Variants in RPH3A observed in about 807,000 individuals in gnomAD.
The protein encoded by RPH3A is rabphilin 3A, also known as rabphilin-3A.
A neutral mutation model predicts 102.2 loss-of-function variants in RPH3A; 48 were observed. The observed-to-expected ratio is 0.47, with a 90% CI of 0.37 to 0.60. The LOEUF is 0.60. Ranked by LOEUF, RPH3A falls within the 20% of genes least tolerant of loss-of-function variation. The pLI is 0.00. For synonymous variants in RPH3A, 310 were observed against 324.3 expected (o/e 0.96, Z 0.47); for missense variants, 781 against 910.1 (o/e 0.86, Z 1.83).
intron 1 of RPH3A, among the ~76,000 whole-genome samples, chr12:112,621,697 G>A (rs2039727701): frequency 6.6e-6 from 1 of 152,046 alleles, no homozygotes; most frequent in Admixed American, 6.5e-5. Flanking sequence ...GAACTGGGTG[G>A]AGCCCACCAC....
chr12:112,892,177 A>G (rs1396884010), intron 19 of RPH3A, among the ~76,000 whole-genome samples: 2 of 152,184 alleles, frequency 1.3e-5, no homozygotes, highest in African/African-American at 4.8e-5. Context: ...AGTCTCCAGT[A>G]TGCTCTAGCT....
At chr12:112,851,976 G>A (rs924080054) in intron 5 of RPH3A, among the ~76,000 whole-genome samples, 1 of 152,172 alleles carries the variant, frequency 6.6e-6, no homozygotes, top group African/African-American at 2.4e-5. Flanking sequence ...GTGGCTTAGA[G>A]CAAAACAGTG....
intron 5 of RPH3A, among the ~76,000 whole-genome samples, chr12:112,857,614 T>C (rs572622136): frequency 6.6e-6 from 1 of 152,188 alleles, no homozygotes; most frequent in Non-Finnish European, 1.5e-5. Context: ...TTCAGAAGGA[T>C]TGAAGCCCTG....
chr12:112,747,900 C>G (rs2040759781), intron 1 of RPH3A, among the ~76,000 whole-genome samples: 1 of 152,200 alleles, frequency 6.6e-6, no homozygotes, highest in African/African-American at 2.4e-5. Context: ...CTTCCATCCT[C>G]AACGCCTGGC....
intron 2 of RPH3A, among the ~76,000 whole-genome samples, chr12:112,813,971 G>A (rs2041627224): frequency 6.7e-6 from 1 of 150,224 alleles, no homozygotes; most frequent in South Asian, 2.1e-4. Flanking sequence ...TGTGTGTATA[G>A]TGGAGTTGAG....
intron 1 of RPH3A, among the ~76,000 whole-genome samples, chr12:112,745,164 C>T (rs1187462633): frequency 6.6e-6 from 1 of 152,126 alleles, no homozygotes; most frequent in African/African-American, 2.4e-5. Flanking sequence ...TTTCCTGATG[C>T]TTCTGTGTGT....
chr12:112,702,746 G>C (rs2040403779), intron 1 of RPH3A, among the ~76,000 whole-genome samples: 1 of 152,212 alleles, frequency 6.6e-6, no homozygotes. Context: ...ATGTTCTGCT[G>C]GTCAAGTGAG....
Position 112,890,995 on chromosome 12 carries a change from C to A in RPH3A, c.1767C>A (p.Phe589Leu), listed in dbSNP as rs771515781. The A allele has an allele frequency of 6.2e-6, 10 of 1,614,084 alleles. No individual in the cohort carries two copies. The highest frequency in any genetic ancestry group is 8.5e-6 in the Non-Finnish European group (10 of 1,180,000). Residue 589 changes from phenylalanine (F) to leucine (L), a missense_variant, in exon 19 of 22, where the codon TTC becomes TTA. Physicochemically the swap from Phe to Leu is conservative, Grantham distance 22. Transcript: ENST00000389385. The stretch of plus-strand genomic sequence containing the variant: ...ACGCTAATGGCTACTCAGACCCATT[C>A]GTCAAGCTGTAAGTCAATGCCTTGG... ...AMDANGYSDP[F>L]VKLWLKPDMG...
At chr12:112,798,208 A>G (rs1196263712) in intron 2 of RPH3A, among the ~76,000 whole-genome samples, 2 of 152,248 alleles carry the variant, frequency 1.3e-5, no homozygotes, top group East Asian at 1.9e-4. Context: ...AGTGAGCAAG[A>G]TAACATGCCT....
intron 1 of RPH3A, among the ~76,000 whole-genome samples, chr12:112,762,503 T>G (rs1217038356): frequency 6.6e-6 from 1 of 152,190 alleles, no homozygotes; most frequent in Non-Finnish European, 1.5e-5. Flanking sequence ...TTTCTCTGCC[T>G]TCCCCCAATC....
intron 1 of RPH3A, among the ~76,000 whole-genome samples, chr12:112,648,313 G>A (rs1051053550): frequency 1.3e-5 from 2 of 151,850 alleles, no homozygotes; most frequent in African/African-American, 4.8e-5. Flanking sequence ...TGAGTGGAAT[G>A]TACTTATTTC....
intron 1 of RPH3A, among the ~76,000 whole-genome samples, chr12:112,591,053 A>G (rs2039473892): frequency 6.6e-6 from 1 of 152,090 alleles, no homozygotes; most frequent in Non-Finnish European, 1.5e-5. Context: ...CCTGGCCTCA[A>G]GGGATCCTCC....
chr12:112,596,895 T>G (rs1266612011), intron 1 of RPH3A, among the ~76,000 whole-genome samples: 1 of 152,234 alleles, frequency 6.6e-6, no homozygotes, highest in African/African-American at 2.4e-5. Flanking sequence ...CTTTTTGTAA[T>G]GTTTGTTTTT....
intron 5 of RPH3A, among the ~76,000 whole-genome samples, chr12:112,855,390 A>G (rs1223149711): frequency 6.6e-6 from 1 of 152,222 alleles, no homozygotes; most frequent in Non-Finnish European, 1.5e-5. Flanking sequence ...TTGTCATGAC[A>G]CAGCACCTTG....
intron 1 of RPH3A, among the ~76,000 whole-genome samples, chr12:112,687,549 T>G (rs138147389): frequency 6.6e-6 from 1 of 152,192 alleles, no homozygotes; most frequent in African/African-American, 2.4e-5. Context: ...TTGGAATGAC[T>G]ATCAGACCAG....
At chr12:112,770,174 C>T (rs1021612056) in intron 1 of RPH3A, among the ~76,000 whole-genome samples, 3 of 152,082 alleles carry the variant, frequency 2.0e-5, no homozygotes, top group Non-Finnish European at 4.4e-5. Flanking sequence ...AATGTTTAGG[C>T]TATTTTCAGT....
At position 112,868,409 on chromosome 12, in the gene RPH3A, TC is replaced by T; in HGVS notation, c.445-18del. Reference sequence around the variant, plus strand: ...CAGCGCTTGGCTGCCACATCTTCAATCCCTGTCTCTCCTCCCCAAGGTGTGG... The same window carrying T: ...CAGCGCTTGGCTGCCACATCTTCAATCCTGTCTCTCCTCCCCAAGGTGTGG... On this transcript the variant is annotated intron_variant, in intron 7 of 21. Transcript: ENST00000389385. 1 of 1,607,808 alleles carries T rather than the reference TC, an allele frequency of 6.2e-7. No homozygotes were observed. Among genetic ancestry groups the T allele is most frequent in the Non-Finnish European group, 8.5e-7 (1 of 1,175,278 alleles).
chr12:112,581,533 T>C (rs1367482192), intron 1 of RPH3A, among the ~76,000 whole-genome samples: 2 of 152,096 alleles, frequency 1.3e-5, no homozygotes, highest in Non-Finnish European at 2.9e-5. Flanking sequence ...GGTCCACAAA[T>C]GACTCAAAAT....
intron 1 of RPH3A, among the ~76,000 whole-genome samples, chr12:112,718,848 A>T (rs2040532056): frequency 1.3e-5 from 2 of 152,232 alleles, no homozygotes; most frequent in African/African-American, 4.8e-5. Flanking sequence ...GATGTTTGCC[A>T]TGGGCACAAG....
Sources: gnomAD v4.1 joint callset for allele counts (sites outside exome capture counted in the v4.1 genomes callset) on GRCh38, gnomAD v4.1.1 for gene constraint, MANE v1.5 for transcripts, NCBI Gene and HGNC (gene_info 2026-07-23, HGNC 2026-07-21) for gene names.